The following BCAR3 variants were observed in gnomAD, a reference collection of about 807,000 sequenced individuals.
BCAR3 encodes the protein BCAR3 adaptor protein, NSP family member.
BCAR3 carries 37 observed loss-of-function variants against 80.1 expected under a neutral mutation model. The observed-to-expected ratio is 0.46, with a 90% CI of 0.36 to 0.61. The LOEUF is 0.61. Among genes scored for constraint, BCAR3 ranks in the 20% least tolerant of loss-of-function variants. The pLI, the probability that BCAR3 is intolerant of heterozygous loss-of-function variation, is 0.00. For synonymous variants in BCAR3, 389 were observed against 418.9 expected, an observed-to-expected ratio of 0.93 and a Z score of 0.87; for missense variants, 978 against 1,068.2, an observed-to-expected ratio of 0.92 and a Z score of 1.18.
Position 93,735,956 on chromosome 1 carries a change from T to G in BCAR3, c.-62-29814A>C, listed in dbSNP as rs558044353. Among the ~76,000 whole-genome samples, 39 of 152,272 alleles carry G rather than the reference T, an allele frequency of 2.6e-4. 1 individual carries two copies. Among genetic ancestry groups the G allele is most frequent in the African/African-American group, 9.1e-4 (38 of 41,554 alleles). ...TCTATGAGTGGGTGGTAAGCCCTAGTTCCTAAATAAGGTATTTGGAATGCA... is the reference window on the plus strand; with the variant it reads ...TCTATGAGTGGGTGGTAAGCCCTAGGTCCTAAATAAGGTATTTGGAATGCA... On this transcript the variant is annotated intron_variant, in intron 2 of 13. Coordinates refer to the BCAR3 transcript ENST00000370244.
chr1:93,717,290 G>C (rs1165337982), intron 2 of BCAR3, among the ~76,000 whole-genome samples: 8 of 152,206 alleles, frequency 5.3e-5, no homozygotes, highest in Admixed American at 5.2e-4. Context: ...GCCCAGCTGA[G>C]CCCAGCCAAA....
At chr1:93,740,374 T>G (rs889178445) in intron 2 of BCAR3, among the ~76,000 whole-genome samples, 14 of 152,326 alleles carry the variant, frequency 9.2e-5, no homozygotes, top group African/African-American at 2.6e-4. Flanking sequence ...GCCATCCACT[T>G]TTAACTGCAC....
chr1:93,682,577 A>G (rs6541388), upstream of BCAR3, among the ~76,000 whole-genome samples: 45,798 of 152,088 alleles, frequency 0.3, 10,469 homozygotes, highest in African/African-American at 0.65. Flanking sequence ...TTTTCGAGAC[A>G]GAGTTTCGGT....
At chr1:93,715,752 G>A (rs1165976250) in intron 2 of BCAR3, among the ~76,000 whole-genome samples, 1 of 152,206 alleles carries the variant, frequency 6.6e-6, no homozygotes, top group African/African-American at 2.4e-5. Context: ...ACAGATGGTG[G>A]CTCTTCAGGA....
chr1:93,674,800 T>C lies in BCAR3; in HGVS notation c.131A>G (p.Asp44Gly). The C allele has an allele frequency of 6.2e-7, 1 of 1,610,122 alleles. No individual in the cohort carries two copies. The highest frequency in any genetic ancestry group is 8.5e-7 in the Non-Finnish European group (1 of 1,178,702). Reference sequence around the variant, plus strand: ...TGGAAGGGTGCCATGTATAGACACATCTTGATAGGCATCTGGGCGATGCTC... The same window carrying C: ...TGGAAGGGTGCCATGTATAGACACACCTTGATAGGCATCTGGGCGATGCTC... The part of the protein sequence containing the change: ...LAEHRPDAYQ[D>G]VSIHGTLPRK... Residue 44 changes from aspartate (D) to glycine (G), a missense_variant, in exon 2 of 12, where the codon GAT becomes GGT. Physicochemically the swap from Asp to Gly is moderately conservative, Grantham distance 94. Transcript: ENST00000260502.
At chr1:93,717,319 G>A (rs1298324545) in intron 2 of BCAR3, among the ~76,000 whole-genome samples, 1 of 152,210 alleles carries the variant, frequency 6.6e-6, no homozygotes, top group Non-Finnish European at 1.5e-5. Context: ...GTTTGTAATT[G>A]TGAATTAAAT....
chr1:93,715,276 A>G (rs6686775), intron 2 of BCAR3, among the ~76,000 whole-genome samples: 10,052 of 152,258 alleles, frequency 0.066, 1,129 homozygotes, highest in African/African-American at 0.23. Context: ...TTGAACAGTT[A>G]ATTATCTTTT....
At chr1:93,613,982 A>AG in intron 3 of BCAR3, 1 of 1,547,804 alleles carries the variant, frequency 6.5e-7, no homozygotes. Context: ...GTTAAAAGAA[A>AG]GGGGGCTTCG....
chr1:93,749,423 C>A lies in BCAR3; in HGVS notation c.-62-43281G>T, dbSNP rs1178714739. On this transcript the variant is annotated intron_variant, in intron 2 of 13. Transcript: ENST00000370244. ...CTAACATGGTGAAACCCCGTCTCTACTAAAAGTACAAAAAAATTAGCCAGG... is the reference window on the plus strand; with the variant it reads ...CTAACATGGTGAAACCCCGTCTCTAATAAAAGTACAAAAAAATTAGCCAGG... 4.0e-5 allele frequency among the ~76,000 whole-genome samples: 6 copies of A among 151,748 alleles called. No homozygotes were observed. In the East Asian group the frequency reaches 1.2e-3, roughly 29 times the overall value.
At chr1:93,563,828 G>A (rs529587181) in intron 11 of BCAR3, among the ~76,000 whole-genome samples, 8 of 152,156 alleles carry the variant, frequency 5.3e-5, no homozygotes, top group Non-Finnish European at 1.2e-4. Flanking sequence ...AAGTAGCTGG[G>A]ACTACAGGTG....
chr1:93,654,121 A>C (rs1432184574), intron 2 of BCAR3, among the ~76,000 whole-genome samples: 1 of 152,140 alleles, frequency 6.6e-6, no homozygotes, highest in African/African-American at 2.4e-5. Context: ...TGGCAGGCAG[A>C]ATTCCTAAGA....
rs1653641113 is a variant in BCAR3 at position 93,805,968 on chromosome 1, A to G, written c.-63+39599T>C. Among the ~76,000 whole-genome samples, 4 of 152,156 alleles carry G rather than the reference A, an allele frequency of 2.6e-5. No homozygotes were observed. In the South Asian group the frequency reaches 8.3e-4, roughly 31 times the overall value. On this transcript the variant is annotated intron_variant, in intron 2 of 13. Coordinates refer to the BCAR3 transcript ENST00000370244. ...TGAAATTAAAAATATGGTTTCCAAA[A>G]TAACAATAATAAGGTTAAATAATGA...
chr1:93,765,686 T>A (rs948698221), intron 2 of BCAR3, among the ~76,000 whole-genome samples: 2 of 152,006 alleles, frequency 1.3e-5, no homozygotes, highest in Non-Finnish European at 2.9e-5. Context: ...TTTTTTTTTT[T>A]TAGAGAGAGT....
chr1:93,788,111 T>C (rs933258164), intron 2 of BCAR3, among the ~76,000 whole-genome samples: 1 of 152,192 alleles, frequency 6.6e-6, no homozygotes, highest in Non-Finnish European at 1.5e-5. Flanking sequence ...AAGTCTGTTT[T>C]GTCTGATATA....
intron 2 of BCAR3, among the ~76,000 whole-genome samples, chr1:93,800,160 T>C (rs1434534645): frequency 1.3e-5 from 2 of 152,260 alleles, no homozygotes; most frequent in Non-Finnish European, 2.9e-5. Context: ...TATTGTTTAA[T>C]ATTTGGACAT....
intron 2 of BCAR3, among the ~76,000 whole-genome samples, chr1:93,733,540 G>A (rs1304909299): frequency 6.6e-6 from 1 of 152,180 alleles, no homozygotes; most frequent in East Asian, 1.9e-4. Flanking sequence ...GGGGTGGTGA[G>A]GAGTGACAAA....
chr1:93,774,968 T>A (rs1652494435), intron 2 of BCAR3, among the ~76,000 whole-genome samples: 2 of 152,172 alleles, frequency 1.3e-5, no homozygotes, highest in Admixed American at 1.3e-4. Flanking sequence ...ACCACATTTT[T>A]AAACAAAATA....
intron 2 of BCAR3, among the ~76,000 whole-genome samples, chr1:93,656,480 G>A (rs113655715): frequency 0.029 from 4,329 of 151,474 alleles, 96 homozygotes; most frequent in East Asian, 0.076. Flanking sequence ...TTTATTTCTA[G>A]AAATTATAGT....
chr1:93,652,898 C>T (rs1043776507), intron 2 of BCAR3, among the ~76,000 whole-genome samples: 1 of 152,228 alleles, frequency 6.6e-6, no homozygotes, highest in Admixed American at 6.5e-5. Flanking sequence ...TTTCCAGCAT[C>T]CCACTTTTTA....
Sources: gnomAD v4.1 joint callset for allele counts (sites outside exome capture counted in the v4.1 genomes callset) on GRCh38, gnomAD v4.1.1 for gene constraint, MANE v1.5 for transcripts, NCBI Gene and HGNC (gene_info 2026-07-23, HGNC 2026-07-21) for gene names.